The following PUM1 variants were observed in gnomAD, a reference collection of about 807,000 sequenced individuals.
The protein encoded by PUM1 is pumilio RNA binding family member 1.
PUM1 carries 13 observed loss-of-function variants against 131.8 expected under a neutral mutation model. The ratio of observed to expected loss-of-function variants is 0.10; its 90% confidence interval spans 0.06 to 0.16. The LOEUF (loss-of-function observed/expected upper bound fraction) is 0.16, where lower values mean the gene tolerates loss of function less well. Ranked by LOEUF, PUM1 falls within the 10% of genes least tolerant of loss-of-function variation. The pLI, the probability that PUM1 is intolerant of heterozygous loss-of-function variation, is 1.00. For synonymous variants in PUM1, 509 were observed against 556.5 expected (o/e 0.91, Z 1.20); for missense variants, 961 against 1,512.4 (o/e 0.64, Z 6.05).
intron 7 of PUM1, among the ~76,000 whole-genome samples, chr1:30,991,944 G>A (rs983834728): frequency 2.0e-5 from 3 of 152,198 alleles, no homozygotes; most frequent in Admixed American, 6.5e-5. Context: ...TATGCTATCT[G>A]GAGTAACTTG....
chr1:30,998,658 TAA>T (rs1201136896), intron 5 of PUM1, among the ~76,000 whole-genome samples: 1 of 152,016 alleles, frequency 6.6e-6, no homozygotes, highest in Non-Finnish European at 1.5e-5. Context: ...AAAAGAAAAA[TAA>T]AAGACTTGAC....
At chr1:31,039,013 T>TTTTTTTTTTTTTTTTTTTTTTTTA (rs1643732331) in intron 2 of PUM1, among the ~76,000 whole-genome samples, 1 of 139,550 alleles carries the variant, frequency 7.2e-6, no homozygotes, top group African/African-American at 2.7e-5. Context: ...TTTTCTCTTT[T>TTTTTTTTTTTTTTTTTTTTTTTTA]TGAGACAATG....
intron 14 of PUM1, among the ~76,000 whole-genome samples, chr1:30,955,384 G>A (rs1333922976): frequency 6.1e-5 from 9 of 148,166 alleles, no homozygotes; most frequent in East Asian, 2.0e-4. Context: ...GGAGAATGGC[G>A]AACCCCGGAG....
chr1:30,988,831 T>C (rs1238987465), intron 7 of PUM1, among the ~76,000 whole-genome samples: 2 of 152,214 alleles, frequency 1.3e-5, no homozygotes, highest in African/African-American at 4.8e-5. Context: ...GTCAGTTGCA[T>C]GCAACCTTTG....
chr1:30,998,076 G>A (rs112399338), intron 5 of PUM1, among the ~76,000 whole-genome samples: 1 of 152,226 alleles, frequency 6.6e-6, no homozygotes, highest in African/African-American at 2.4e-5. Flanking sequence ...TTCTTTTAGA[G>A]AGTGGGGAAC....
chr1:30,983,899 GGGC>G (rs1641449659), intron 7 of PUM1, among the ~76,000 whole-genome samples: 1 of 151,732 alleles, frequency 6.6e-6, no homozygotes, highest in Non-Finnish European at 1.5e-5. Context: ...CACCACACCT[GGGC>G]TATATATTTT....
intron 2 of PUM1, among the ~76,000 whole-genome samples, chr1:31,042,972 A>G (rs1354179026): frequency 6.6e-6 from 1 of 152,062 alleles, no homozygotes; most frequent in East Asian, 1.9e-4. Context: ...CAGGTGATCC[A>G]CTTGCCTCAT....
intron 3 of PUM1, among the ~76,000 whole-genome samples, chr1:31,026,944 CAA>C (rs35459131): frequency 0.32 from 34,081 of 106,228 alleles, 4,361 homozygotes; most frequent in East Asian, 0.5. Context: ...ACATATACCA[CAA>C]AAAAAAAAAA....
At chr1:31,035,596 ACAAAATTAGCCGGG>A (rs1339634437) in intron 2 of PUM1, among the ~76,000 whole-genome samples, 2 of 151,898 alleles carry the variant, frequency 1.3e-5, no homozygotes, top group South Asian at 4.2e-4. Context: ...TACTAAAAAT[ACAAAATTAGCCGGG>A]CATGGTGGCG....
chr1:31,059,713 G>A (rs1453166497), intron 1 of PUM1, 136 bp from the exon 2 acceptor site: 5 of 994,140 alleles, frequency 5.0e-6, no homozygotes, highest in Non-Finnish European at 7.2e-6. Context: ...CAAGGTATTG[G>A]GATCAGAACT....
chr1:30,953,619 A>G (rs563951272), intron 15 of PUM1, 95 bp downstream of exon 15: 1 of 1,362,102 alleles, frequency 7.3e-7, no homozygotes, highest in Non-Finnish European at 1.0e-6. Context: ...AAAAATTACT[A>G]TATGGCAATT....
chr1:30,949,763 G>A (rs1034620241), intron 17 of PUM1, among the ~76,000 whole-genome samples: 7 of 152,094 alleles, frequency 4.6e-5, no homozygotes, highest in African/African-American at 1.7e-4. Context: ...CAGGAGAGAA[G>A]GAGTAAAAAA....
chr1:31,019,471 A>G (rs1428288866), intron 3 of PUM1, among the ~76,000 whole-genome samples: 1 of 152,244 alleles, frequency 6.6e-6, no homozygotes, highest in Non-Finnish European at 1.5e-5. Context: ...TTTTCTGCAC[A>G]CACCAAAGAA....
intron 18 of PUM1, among the ~76,000 whole-genome samples, chr1:30,943,280 TAGAC>T (rs1276587225): frequency 1.3e-5 from 2 of 152,112 alleles, no homozygotes; most frequent in Non-Finnish European, 1.5e-5. Context: ...TTTTTTTTAT[TAGAC>T]AGAGTTTCAC....
chr1:31,037,257 G>C (rs571864821), intron 2 of PUM1: 36 of 152,502 alleles, frequency 2.4e-4, no homozygotes, highest in African/African-American at 8.4e-4. Context: ...TGGACCATAA[G>C]ACTAGCCACT....
At chr1:31,023,194 T>C (rs1643097825) in intron 3 of PUM1, among the ~76,000 whole-genome samples, 2 of 151,852 alleles carry the variant, frequency 1.3e-5, no homozygotes, top group Non-Finnish European at 2.9e-5. Flanking sequence ...AAGGCTACAT[T>C]TTGAGGAAAA....
At chr1:30,964,552 C>G (rs1640546664) in intron 14 of PUM1, 122 bp downstream of exon 14, 2 of 836,708 alleles carry the variant, frequency 2.4e-6, no homozygotes, top group South Asian at 1.6e-5. Context: ...ACGGAAGGCA[C>G]AGAACACCCA....
chr1:31,009,335 T>G (rs947101268), intron 3 of PUM1, among the ~76,000 whole-genome samples: 5 of 152,178 alleles, frequency 3.3e-5, no homozygotes, highest in African/African-American at 1.2e-4. Flanking sequence ...AGAAAGAATG[T>G]CAGCCTAAGG....
intron 5 of PUM1, among the ~76,000 whole-genome samples, chr1:31,003,589 T>G (rs1192340312): frequency 6.6e-6 from 1 of 152,050 alleles, no homozygotes; most frequent in African/African-American, 2.4e-5. Flanking sequence ...AAACCGGATC[T>G]CTACTAAAAA....
Sources: allele counts gnomAD v4.1 joint callset (sites outside exome capture counted in the v4.1 genomes callset), GRCh38; gene constraint gnomAD v4.1.1; transcripts MANE v1.5; gene names NCBI Gene and HGNC (gene_info 2026-07-23, HGNC 2026-07-21).